OTOG: variants seen among roughly 807,000 people sequenced by gnomAD.
OTOG encodes the protein otogelin.
Under a neutral mutation model 313.8 loss-of-function variants are expected in OTOG, and 296 were observed. That is an observed-to-expected ratio of 0.94 (90% CI 0.86 to 1.04). OTOG has a LOEUF of 1.04. Ranked by LOEUF, OTOG falls within the 50% of genes least tolerant of loss-of-function variation. The pLI is 0.00. For synonymous variants in OTOG, 1,533 were observed against 1,554.9 expected (o/e 0.99, Z 0.33); for missense variants, 3,948 against 3,840.1 (o/e 1.03, Z -0.74).
Position 17,612,170 on chromosome 11 carries a change from C to G in OTOG, c.6132C>G (p.Ala2044=), listed in dbSNP as rs935529251. 2 of 1,549,450 alleles carry G rather than the reference C, an allele frequency of 1.3e-6. No individual in the cohort carries two copies. Among genetic ancestry groups the G allele is most frequent in the South Asian group, 2.4e-5 (2 of 84,058 alleles). The stretch of plus-strand genomic sequence containing the variant: ...CTCCACTCTGTACCCAGCCAATCGC[C>G]GAGCAGGACTGCGTCCGCCACATCT... ...ANTSTTCVPI[A]EQDCVRHICL... is the part of the protein sequence containing the mutation. Residue 2044 remains alanine, a synonymous_variant, in exon 37 of 56, where the codon GCC becomes GCG. Transcript: ENST00000399397.
Position 17,561,641 on chromosome 11 carries a change from TG to T in OTOG, c.1499-19del. On this transcript the variant is annotated intron_variant, in intron 14 of 55. Transcript: ENST00000399397. ...CCCTGGGGCGGCTCCCATGGGTCAGTGGCCTTTTTCTACCTCTCAGCTGAGT... is the reference window on the plus strand; with the variant it reads ...CCCTGGGGCGGCTCCCATGGGTCAGTGCCTTTTTCTACCTCTCAGCTGAGT... The T allele has an allele frequency of 1.9e-6, 3 of 1,550,520 alleles. No individual in the cohort carries two copies. Among genetic ancestry groups the T allele is most frequent in the Non-Finnish European group, 2.6e-6 (3 of 1,146,960 alleles).
At chr11:17,554,007 A>G (rs1224597636) in intron 6 of OTOG, among the ~76,000 whole-genome samples, 1 of 152,202 alleles carries the variant, frequency 6.6e-6, no homozygotes, top group Non-Finnish European at 1.5e-5. Flanking sequence ...AGAAAGTCAC[A>G]TTTAAGTTGA....
chr11:17,598,467 T>A (rs1590030999), intron 30 of OTOG, among the ~76,000 whole-genome samples: 1 of 152,376 alleles, frequency 6.6e-6, no homozygotes, highest in Middle Eastern at 3.4e-3. Flanking sequence ...AAATATTGCA[T>A]TAAGATAGTA....
chr11:17,600,202 G>A, intron 31 of OTOG, among the ~76,000 whole-genome samples: 1 of 152,134 alleles, frequency 6.6e-6, no homozygotes, highest in East Asian at 1.9e-4. Flanking sequence ...GATTAACGAG[G>A]GTGAAAACAC....
At chr11:17,562,580 A>T (rs1852214278) in intron 15 of OTOG, among the ~76,000 whole-genome samples, 1 of 152,128 alleles carries the variant, frequency 6.6e-6, no homozygotes, top group Non-Finnish European at 1.5e-5. Context: ...CAAAAAAAAA[A>T]TTCCAAACTA....
In OTOG at chr11:17,586,566, C is replaced by T. The variant is rs1852799333; in HGVS notation, c.2852C>T (p.Ser951Phe). ...TATTTCCCTGGGGACCAGGTGATGT[C>T]TCCTTGCCATACCTGGTAAGTGAGG... ...KEYFPGDQVM[S>F]PCHTCVCQRG... is the part of the protein sequence containing the mutation. Residue 951 changes from serine to phenylalanine, a missense_variant, in exon 24 of 56, where the codon TCT becomes TTT. By Grantham distance (155) the Ser-to-Phe change is radical. Transcript: ENST00000399397. The T allele has an allele frequency of 7.1e-7, 1 of 1,403,042 alleles. No individual in the cohort carries two copies. The allele number at this position is 1,403,042 out of a possible 1,614,324, so 86.9% of individuals were successfully genotyped here. A position where few individuals can be genotyped will look rare whatever the true frequency, so the allele number is the denominator to read the frequency against.
Position 17,572,193 on chromosome 11 carries a change from A to G in OTOG, c.2069A>G (p.His690Arg). 1 of 1,550,142 alleles carries G rather than the reference A, an allele frequency of 6.5e-7. No homozygotes were observed. Residue 690 changes from histidine (H) to arginine (R), a missense_variant, in exon 18 of 56, where the codon CAC becomes CGC. His to Arg is a conservative substitution (Grantham distance 29, BLOSUM62 0). Coordinates refer to ENST00000399397, the MANE Select transcript of OTOG (RefSeq NM_001292063.2). ...SGSPLDPCDV[H>R]LQAASYSVQA... ...TCCCCTCTGGACCCCTGCGATGTGC[A>G]CCTGCAAGCCGGTGAGTTGGTGGGG...
Position 17,558,291 on chromosome 11 carries a change from A to C in OTOG, c.972A>C (p.Leu324=). Residue 324 remains leucine, a synonymous_variant, in exon 9 of 56, where the codon CTA becomes CTC. Coordinates refer to ENST00000399397, the MANE Select transcript of OTOG (RefSeq NM_001292063.2). The part of the protein sequence containing the change: ...TTSSLPRPPC[L]QQNPGTMQGV... ...CCTCCCTGCCTCGCCCACCGTGCCT[A>C]CAGCAGAACCCAGGAACCATGCAGG... The C allele has an allele frequency of 6.4e-7, 1 of 1,550,822 alleles. No homozygotes were observed. The highest frequency in any genetic ancestry group is 1.2e-5 in the South Asian group (1 of 84,056).
chr11:17,628,717 AG>A, intron 39 of OTOG, among the ~76,000 whole-genome samples: 1 of 152,362 alleles, frequency 6.6e-6, no homozygotes, highest in East Asian at 1.9e-4. Flanking sequence ...AGGGGTATGT[AG>A]CCCCAAGGCT....
chr11:17,561,885 A>G (rs1354737573), intron 15 of OTOG, 78 bp downstream of exon 15: 1 of 1,517,700 alleles, frequency 6.6e-7, no homozygotes, highest in Admixed American at 2.0e-5. Flanking sequence ...GGGACTTAGG[A>G]CAGGGCTCAG....
In OTOG at chr11:17,548,418, C is replaced by CT. The variant is rs56402246; in HGVS notation, c.216+244dup. Among the ~76,000 whole-genome samples the CT allele has an allele frequency of 3.5e-3, 305 of 87,592 alleles. 22 individuals are homozygous for CT. Among genetic ancestry groups the CT allele is most frequent in the Non-Finnish European group, 5.2e-3 (243 of 46,622 alleles). The allele number at this position is 87,592 out of a possible 152,430, so 57.5% of individuals were successfully genotyped here. A position where few individuals can be genotyped will look rare whatever the true frequency, so the allele number is the denominator to read the frequency against. On this transcript the variant is annotated intron_variant, in intron 3 of 55. Transcript: ENST00000399397. ...ATCTCTTGGGGGTCTATAGTCCACT[C>CT]TTTTTTTTTTTTTTTTTTTTTTTTT...
At chr11:17,612,818 A>AAGAGGGG in intron 38 of OTOG, 53 bp downstream of exon 38, 1 of 1,522,708 alleles carries the variant, frequency 6.6e-7, no homozygotes, top group Non-Finnish European at 8.8e-7. Flanking sequence ...GGACTAGGAT[A>AAGAGGGG]AGAGGGGAGA....
chr11:17,569,106 A>G, intron 15 of OTOG, 50 bp from the exon 16 acceptor site: 3 of 1,548,098 alleles, frequency 1.9e-6, no homozygotes, highest in Non-Finnish European at 2.6e-6. Context: ...TGTTGTATCC[A>G]GCAGGAGGGT....
At chr11:17,628,802 G>C (rs1854045370) in intron 39 of OTOG, among the ~76,000 whole-genome samples, 2 of 152,320 alleles carry the variant, frequency 1.3e-5, no homozygotes, top group Non-Finnish European at 2.9e-5. Context: ...GAAGTGATCT[G>C]AACAGAATCA....
chr11:17,573,431 C>G, intron 19 of OTOG, 141 bp downstream of exon 19: 3 of 891,708 alleles, frequency 3.4e-6, no homozygotes, highest in Non-Finnish European at 5.0e-6. Context: ...TCTCCTCCTG[C>G]ACCCTCCATC....
intron 46 of OTOG, 52 bp downstream of exon 46, chr11:17,635,239 G>T (rs973638019): frequency 2.8e-6 from 4 of 1,428,336 alleles, no homozygotes; most frequent in Non-Finnish European, 3.8e-6. Context: ...ACAGTCCGCC[G>T]GCCTCACCCC....
At chr11:17,638,861 G>T (rs56254591) in intron 48 of OTOG, 48,281 of 1,200,190 alleles carry the variant, frequency 0.04, 1,163 homozygotes, top group South Asian at 0.082. Flanking sequence ...ACTTTGAGAG[G>T]CCAAGGCGGG....
At chr11:17,549,891 C>T (rs917437303) in intron 3 of OTOG, among the ~76,000 whole-genome samples, 1 of 152,160 alleles carries the variant, frequency 6.6e-6, no homozygotes, top group Non-Finnish European at 1.5e-5. Context: ...AGGGATACTT[C>T]AAGGGCTCCT....
At chr11:17,631,995 G>T in intron 41 of OTOG, 73 bp downstream of exon 41, 1 of 1,541,824 alleles carries the variant, frequency 6.5e-7, no homozygotes, top group Middle Eastern at 1.9e-4. Flanking sequence ...TACCTGCAGA[G>T]GCTCATTGTT....
Sources: allele counts gnomAD v4.1 joint callset (sites outside exome capture counted in the v4.1 genomes callset), GRCh38; gene constraint gnomAD v4.1.1; transcripts MANE v1.5; gene names NCBI Gene and HGNC (gene_info 2026-07-23, HGNC 2026-07-21).